SHANK2: variants seen among roughly 807,000 people sequenced by gnomAD.
SHANK2 encodes SH3 and multiple ankyrin repeat domains protein 2.
In SHANK2, 43 loss-of-function variants were observed where a neutral mutation model predicts 133.7. That is an observed-to-expected ratio of 0.32 (90% CI 0.25 to 0.41). The LOEUF is 0.41. Among genes scored for constraint, SHANK2 ranks in the 10% least tolerant of loss-of-function variants. SHANK2 has a pLI of 1.00. For missense variants in SHANK2, 1,994 were observed against 2,235.8 expected, an observed-to-expected ratio of 0.89 and a Z score of 2.18; for synonymous variants, 1,017 against 952.8, an observed-to-expected ratio of 1.07 and a Z score of -1.24.
intron 17 of SHANK2, among the ~76,000 whole-genome samples, chr11:70,579,129 G>T (rs2060152946): frequency 6.6e-6 from 1 of 152,186 alleles, no homozygotes; most frequent in Admixed American, 6.5e-5. Flanking sequence ...ATTAAATTAG[G>T]TCTTGCTCAG....
chr11:70,525,859 C>T (rs1415636692), intron 17 of SHANK2, among the ~76,000 whole-genome samples: 1 of 151,940 alleles, frequency 6.6e-6, no homozygotes, highest in African/African-American at 2.4e-5. Flanking sequence ...AAGCTTCCTT[C>T]CCCCTCCCTG....
At position 70,804,782 on chromosome 11, in the gene SHANK2, C is replaced by A. The variant is rs1486812690; in HGVS notation, c.1663+2220G>T. ...TGGATTCGCCTGCCATGTCCCAGGA[C>A]CCCTGCGAGTCCTGGGTCCTCAAGT... On this transcript the variant is annotated intron_variant, in intron 13 of 25. Coordinates refer to ENST00000601538, the MANE Select transcript of SHANK2 (RefSeq NM_012309.5). This position sits in a 1 kb window ranked among gnomAD's most constrained non-coding sequence, Gnocchi z 4.1. Among the ~76,000 whole-genome samples, 1 of 152,182 alleles carries A rather than the reference C, an allele frequency of 6.6e-6. No individual in the cohort carries two copies. Among genetic ancestry groups the A allele is most frequent in the African/African-American group, 2.4e-5 (1 of 41,450 alleles).
At chr11:70,595,728 G>A (rs1007084471) in intron 17 of SHANK2, among the ~76,000 whole-genome samples, 6 of 152,192 alleles carry the variant, frequency 3.9e-5, no homozygotes, top group East Asian at 1.9e-4. Flanking sequence ...CCCGGGTAGC[G>A]GGGGAAGATT....
chr11:70,590,949 C>T (rs2060313192), intron 17 of SHANK2, among the ~76,000 whole-genome samples: 1 of 152,060 alleles, frequency 6.6e-6, no homozygotes, highest in Non-Finnish European at 1.5e-5. Flanking sequence ...AGATTCATTG[C>T]TTATAATTAG....
upstream of SHANK2, among the ~76,000 whole-genome samples, chr11:71,252,746 G>A (rs1311349665): frequency 4.6e-5 from 7 of 150,716 alleles, no homozygotes; most frequent in Middle Eastern, 3.4e-3. The surrounding 1 kb of genome is among the most constrained non-coding windows in gnomAD (Gnocchi z 6.3). Context: ...GCTCCCGCCC[G>A]CGGCTGCGGC....
intron 10 of SHANK2, among the ~76,000 whole-genome samples, chr11:70,944,249 T>C (rs567995469): frequency 6.6e-6 from 1 of 152,384 alleles, no homozygotes; most frequent in African/African-American, 2.4e-5. Flanking sequence ...CACTGTTGCC[T>C]GGGTTTCTGA....
At chr11:70,930,010 T>C (rs1283673547) in intron 10 of SHANK2, among the ~76,000 whole-genome samples, 1 of 152,176 alleles carries the variant, frequency 6.6e-6, no homozygotes, top group African/African-American at 2.4e-5. Flanking sequence ...ACGGTCTCTG[T>C]CACAGCTCCT....
At position 70,615,714 on chromosome 11, in the gene SHANK2, G is replaced by A. The variant is rs116191104; in HGVS notation, c.2061+44114C>T. 2.5e-3 allele frequency among the ~76,000 whole-genome samples: 383 copies of A among 152,332 alleles called. 2 individuals carry two copies. The highest frequency in any genetic ancestry group is 8.7e-3 in the African/African-American group (363 of 41,570). On this transcript the variant is annotated intron_variant, in intron 17 of 25. Coordinates refer to ENST00000601538, the MANE Select transcript of SHANK2 (RefSeq NM_012309.5). ...ACCAGGCTAGGACAAGGTGGTAAGC[G>A]GCGCGTGGTGAACCTGCTCCACACC... is the stretch of plus-strand genomic sequence containing the variant.
At chr11:70,584,801 G>A (rs1201864158) in intron 17 of SHANK2, among the ~76,000 whole-genome samples, 1 of 152,182 alleles carries the variant, frequency 6.6e-6, no homozygotes, top group Non-Finnish European at 1.5e-5. Context: ...CGCCATACCT[G>A]AATAATAATA....
upstream of SHANK2, among the ~76,000 whole-genome samples, chr11:71,252,907 C>T (rs1330923091): frequency 6.6e-6 from 1 of 152,226 alleles, no homozygotes; most frequent in Non-Finnish European, 1.5e-5. This position sits in a 1 kb window ranked among gnomAD's most constrained non-coding sequence, Gnocchi z 6.3. Context: ...TTTGTAAAGT[C>T]CGGTTCGGTC....
In SHANK2 at chr11:70,807,261, C is replaced by G; in HGVS notation, c.1494-90G>C. The G allele has an allele frequency of 1.5e-6, 1 of 677,588 alleles. No individual in the cohort carries two copies. The highest frequency in any genetic ancestry group is 2.7e-6 in the Non-Finnish European group (1 of 374,686). The allele number at this position is 677,588 out of a possible 1,614,324, so 42.0% of individuals were successfully genotyped here. The stretch of plus-strand genomic sequence containing the variant: ...CAAACCACAGCCAAGCCATTCAACG[C>G]ATGCTGCGCCTCGGCTGGCCGCATC... On this transcript the variant is annotated intron_variant, in intron 12 of 25. Coordinates refer to ENST00000601538, the MANE Select transcript of SHANK2 (RefSeq NM_012309.5). This position sits in a 1 kb window ranked among gnomAD's most constrained non-coding sequence, Gnocchi z 4.8.
intron 10 of SHANK2, among the ~76,000 whole-genome samples, chr11:70,944,864 T>G (rs1435115252): frequency 6.6e-6 from 1 of 152,248 alleles, no homozygotes; most frequent in Non-Finnish European, 1.5e-5. Context: ...ATCTCCAACA[T>G]TACTGCTATG....
chr11:71,201,511 G>A lies in SHANK2; in HGVS notation c.-13+23186C>T, dbSNP rs543028120. Among the ~76,000 whole-genome samples the A allele has an allele frequency of 1.4e-4, 21 of 152,306 alleles. No individual in the cohort carries two copies. In the South Asian group the frequency reaches 4.1e-3, roughly 30 times the overall value. ...TGCTACTCACTTGGCCACAGACGGCGGTCACTGATGGCGGTCACCTGCACA... is the reference window on the plus strand; with the variant it reads ...TGCTACTCACTTGGCCACAGACGGCAGTCACTGATGGCGGTCACCTGCACA... On this transcript the variant is annotated intron_variant, in intron 2 of 25. Transcript: ENST00000601538.
intron 14 of SHANK2, among the ~76,000 whole-genome samples, chr11:70,741,057 C>A (rs782042315): frequency 2.4e-4 from 37 of 152,308 alleles, no homozygotes; most frequent in Admixed American, 7.8e-4. Context: ...TCTGTCTATC[C>A]ATCCATCCAA....
chr11:71,057,204 T>C (rs1436278298), intron 9 of SHANK2, among the ~76,000 whole-genome samples: 1 of 151,968 alleles, frequency 6.6e-6, no homozygotes, highest in Non-Finnish European at 1.5e-5. Context: ...CATGGAGGCA[T>C]GCGCCTGTAA....
chr11:70,560,092 G>T (rs1263782896), intron 17 of SHANK2, among the ~76,000 whole-genome samples: 1 of 151,864 alleles, frequency 6.6e-6, no homozygotes, highest in Non-Finnish European at 1.5e-5. Context: ...GGCTGGTCTC[G>T]AACTCCTGAC....
At chr11:70,676,409 C>G (rs1944906249) in intron 15 of SHANK2, among the ~76,000 whole-genome samples, 1 of 152,200 alleles carries the variant, frequency 6.6e-6, no homozygotes, top group African/African-American at 2.4e-5. Context: ...GGGAACTGCT[C>G]CCTGGCACCC....
At chr11:70,490,152 G>C in intron 23 of SHANK2, 124 bp downstream of exon 23, 4 of 781,244 alleles carry the variant, frequency 5.1e-6, no homozygotes, top group Non-Finnish European at 6.6e-6. Context: ...GGGCTGGCAG[G>C]GCCTTGCTGG....
At chr11:70,826,608 C>G in intron 11 of SHANK2, 1 of 459,370 alleles carries the variant, frequency 2.2e-6, no homozygotes. Context: ...AGCTGGGACC[C>G]GGGGAGAGGT....
Sources: gnomAD v4.1 joint callset for allele counts (sites outside exome capture counted in the v4.1 genomes callset) on GRCh38, gnomAD v4.1.1 for gene constraint, Gnocchi (gnomAD v3.1) non-coding constraint, MANE v1.5 for transcripts, NCBI Gene and HGNC (gene_info 2026-07-23, HGNC 2026-07-21) for gene names.